The following DGLUCY variants were observed in gnomAD, a reference collection of about 807,000 sequenced individuals.
DGLUCY encodes D-glutamate cyclase, mitochondrial.
In DGLUCY, 58 loss-of-function variants were observed where a neutral mutation model predicts 58.5. The observed-to-expected ratio is 0.99, with a 90% confidence interval of 0.80 to 1.23. The LOEUF (loss-of-function observed/expected upper bound fraction) is 1.23, where lower values mean the gene tolerates loss of function less well. Ranked by LOEUF, DGLUCY falls within the 50% of genes most tolerant of loss-of-function variation. The pLI, the probability that DGLUCY is intolerant of heterozygous loss-of-function variation, is 0.00. For synonymous variants in DGLUCY, 325 were observed against 314.1 expected (o/e 1.03, Z -0.37); for missense variants, 779 against 784.7 (o/e 0.99, Z 0.09).
chr14:91,217,628 G>C lies in DGLUCY; in HGVS notation c.1716+2072G>C, dbSNP rs1285217224. 3.3e-5 allele frequency among the ~76,000 whole-genome samples: 5 copies of C among 150,630 alleles called. No individual in the cohort carries two copies. In the East Asian group the frequency reaches 9.7e-4, roughly 29 times the overall value. On this transcript the variant is annotated intron_variant, in intron 13 of 13. Coordinates refer to ENST00000256324, the MANE Select transcript of DGLUCY (RefSeq NM_001102368.3). ...GCCTCTCGAGTAGCTGGGATTACAG[G>C]TGCCTGCCACCATGCCCAGCTAATT...
intron 1 of DGLUCY, among the ~76,000 whole-genome samples, chr14:91,155,047 C>T (rs1025859491): frequency 1.3e-5 from 2 of 152,224 alleles, no homozygotes; most frequent in African/African-American, 4.8e-5. Flanking sequence ...AGTCTGACCC[C>T]TACTCTCCTT....
At chr14:91,140,395 G>T (rs531103057) in intron 1 of DGLUCY, among the ~76,000 whole-genome samples, 25 of 152,340 alleles carry the variant, frequency 1.6e-4, no homozygotes, top group Admixed American at 1.6e-3. Context: ...TTATGGGTCG[G>T]GTGCGGTGGC....
rs367651002 is a variant in DGLUCY, at chr14:91,135,631, C to T, written c.-82+21348C>T. 8.7e-5 allele frequency among the ~76,000 whole-genome samples: 9 copies of T among 103,790 alleles called. No homozygotes were observed. In the East Asian group the frequency reaches 2.2e-3, roughly 25 times the overall value. 68.1% of individuals were successfully genotyped at this position (103,790 alleles called of 152,430 possible). ...AGCCACTGCACTCTAGCCTGGGCAACAAGAGTGAAACTCTGCCTCATTAAA... is the reference window on the plus strand; with the variant it reads ...AGCCACTGCACTCTAGCCTGGGCAATAAGAGTGAAACTCTGCCTCATTAAA... On this transcript the variant is annotated intron_variant, in intron 1 of 13. Coordinates refer to ENST00000256324, the MANE Select transcript of DGLUCY (RefSeq NM_001102368.3).
At chr14:91,081,860 C>T (rs927680091) in intron 1 of DGLUCY, among the ~76,000 whole-genome samples, 10 of 152,088 alleles carry the variant, frequency 6.6e-5, no homozygotes, top group Admixed American at 5.2e-4. Context: ...CCTGCCTTGG[C>T]CTCCCGAGTA....
chr14:91,115,086 T>A (rs2044834969), intron 1 of DGLUCY: 1 of 152,482 alleles, frequency 6.6e-6, no homozygotes, highest in South Asian at 2.1e-4. Flanking sequence ...TAACCCACCT[T>A]CTTTCATGAG....
At chr14:91,117,814 A>G (rs773123701) in intron 1 of DGLUCY, among the ~76,000 whole-genome samples, 1 of 152,228 alleles carries the variant, frequency 6.6e-6, no homozygotes. Flanking sequence ...AGACATAGAC[A>G]TCAATCAATA....
chr14:91,205,803 C>CTTCTTCTTCTTCTTCTTCTTCGT (rs1884538816), intron 12 of DGLUCY, among the ~76,000 whole-genome samples: 1 of 80,490 alleles, frequency 1.2e-5, no homozygotes, highest in African/African-American at 7.7e-5. Context: ...TTCTCCGTCT[C>CTTCTTCTTCTTCTTCTTCTTCGT]CTTCTCCTCC....
intron 13 of DGLUCY, among the ~76,000 whole-genome samples, chr14:91,217,131 C>T (rs1209714360): frequency 6.6e-6 from 1 of 152,230 alleles, no homozygotes; most frequent in Admixed American, 6.5e-5. Context: ...TTCACAATGC[C>T]TCAGTGCTTA....
chr14:91,061,419 C>T (rs1439282553), intron 1 of DGLUCY, among the ~76,000 whole-genome samples: 1 of 152,150 alleles, frequency 6.6e-6, no homozygotes, highest in Non-Finnish European at 1.5e-5. Flanking sequence ...GAATACAATT[C>T]CTCCCCTAAG....
intron 1 of DGLUCY, among the ~76,000 whole-genome samples, chr14:91,153,634 G>C (rs945638972): frequency 6.6e-6 from 1 of 152,164 alleles, no homozygotes; most frequent in Non-Finnish European, 1.5e-5. Context: ...CTGCTTGCTT[G>C]TTTCTGCGTC....
intron 1 of DGLUCY, among the ~76,000 whole-genome samples, chr14:91,098,771 T>C (rs867265177): frequency 6.6e-6 from 1 of 152,204 alleles, no homozygotes; most frequent in Non-Finnish European, 1.5e-5. Flanking sequence ...TTGTTGATCA[T>C]TGAATAACCC....
At chr14:91,111,377 G>T (rs1321460343), upstream of DGLUCY, among the ~76,000 whole-genome samples, 3 of 151,790 alleles carry the variant, frequency 2.0e-5, no homozygotes, top group East Asian at 5.8e-4. Flanking sequence ...CTGCCTTCCA[G>T]ATTCAAGCGA....
intron 1 of DGLUCY, among the ~76,000 whole-genome samples, chr14:91,132,230 A>G (rs976785802): frequency 2.0e-5 from 3 of 152,060 alleles, no homozygotes; most frequent in Non-Finnish European, 4.4e-5. Context: ...TTTTTTTCCA[A>G]AATTCATTGT....
At chr14:91,185,153 G>C (rs764573682) in intron 8 of DGLUCY, among the ~76,000 whole-genome samples, 3 of 151,698 alleles carry the variant, frequency 2.0e-5, no homozygotes, top group Non-Finnish European at 4.4e-5. Flanking sequence ...AATTTTAGTA[G>C]AGCTGGGGTT....
At chr14:91,071,131 G>C (rs148487427) in intron 1 of DGLUCY, among the ~76,000 whole-genome samples, 1,547 of 151,892 alleles carry the variant, frequency 0.01, 14 homozygotes, top group South Asian at 0.032. Context: ...AGGAGATAGA[G>C]ACCATCCTGG....
intron 1 of DGLUCY, among the ~76,000 whole-genome samples, chr14:91,129,526 A>G (rs1243704935): frequency 2.0e-5 from 3 of 152,022 alleles, no homozygotes; most frequent in South Asian, 2.1e-4. Flanking sequence ...GCTGAAGCCT[A>G]GGAATTCAAG....
chr14:91,098,400 G>A (rs536253548), intron 1 of DGLUCY, among the ~76,000 whole-genome samples: 1 of 152,290 alleles, frequency 6.6e-6, no homozygotes, highest in African/African-American at 2.4e-5. Flanking sequence ...AGGCTGTAGT[G>A]AGCTGTGTTG....
intron 3 of DGLUCY, among the ~76,000 whole-genome samples, chr14:91,162,757 C>T (rs1356524147): frequency 6.6e-6 from 1 of 152,032 alleles, no homozygotes; most frequent in East Asian, 1.9e-4. Context: ...ATTAGCTGAG[C>T]ATGGTGGTGT....
At chr14:91,173,051 A>T (rs2048659403) in intron 5 of DGLUCY, among the ~76,000 whole-genome samples, 1 of 152,182 alleles carries the variant, frequency 6.6e-6, no homozygotes. Context: ...CCAGGGGTCC[A>T]CAGCTGTACT....
Sources: allele counts gnomAD v4.1 joint callset (sites outside exome capture counted in the v4.1 genomes callset), GRCh38; gene constraint gnomAD v4.1.1; transcripts MANE v1.5; gene names NCBI Gene and HGNC (gene_info 2026-07-23, HGNC 2026-07-21).